The following HUWE1 variants were observed in gnomAD, a reference collection of about 807,000 sequenced individuals.
HUWE1 encodes the protein E3 ubiquitin-protein ligase HUWE1.
A neutral mutation model predicts 299.4 loss-of-function variants in HUWE1; 18 were observed. The observed-to-expected ratio is 0.06, with a 90% CI of 0.04 to 0.09. HUWE1 has a LOEUF of 0.09. Ranked by LOEUF, HUWE1 falls within the 10% of genes least tolerant of loss-of-function variation. HUWE1 has a pLI of 1.00. For missense variants in HUWE1, 1,832 were observed against 3,462.3 expected, an observed-to-expected ratio of 0.53 and a Z score of 11.82; for synonymous variants, 1,317 against 1,286.1, an observed-to-expected ratio of 1.02 and a Z score of -0.51.
rs1481479039 is a variant in HUWE1 at position 53,561,852 on chromosome X, A to C, written c.7411T>G (p.Tyr2471Asp). Residue 2471 changes from tyrosine (Y) to aspartate (D), a missense_variant, in exon 55 of 84, where the codon TAT (tyrosine) becomes GAT (aspartate). Tyr to Asp is a radical substitution (Grantham distance 160). Transcript: ENST00000262854. ...AAGGGAGAAGCGTTCATATCAGGAT[A>C]ATCCTCATCCAATTCCATCTCAGAG... ...DGSEMELDED[Y>D]PDMNASPLVR... The C allele has an allele frequency of 1.7e-6, 2 of 1,209,514 alleles. No individual in the cohort carries two copies. Among genetic ancestry groups the C allele is most frequent in the Non-Finnish European group, 1.1e-6 (1 of 895,110 alleles).
At chrX:53,577,122 G>A in intron 43 of HUWE1, 55 bp from the exon 44 acceptor site, 1 of 942,099 alleles carries the variant, frequency 1.1e-6, no homozygotes. Flanking sequence ...ACCTAAACTA[G>A]GTTACTAATA....
At chrX:53,594,741 T>A in intron 30 of HUWE1, 120 bp from the exon 31 acceptor site, 1 of 687,318 alleles carries the variant, frequency 1.5e-6, no homozygotes, top group Non-Finnish European at 2.3e-6. Context: ...TCCCACCTAC[T>A]AAAGAATACA....
chrX:53,675,269 T>C (rs1228180259), intron 3 of HUWE1, among the ~76,000 whole-genome samples: 1 of 111,305 alleles, frequency 9.0e-6, no homozygotes, highest in Non-Finnish European at 1.9e-5. Context: ...CTAAAGACCA[T>C]AAACTGGTAT....
intron 37 of HUWE1, among the ~76,000 whole-genome samples, chrX:53,587,617 CT>C (rs1556974524): frequency 2.7e-5 from 3 of 111,766 alleles, no homozygotes; most frequent in Non-Finnish European, 5.6e-5. Context: ...CTCTTTAGTA[CT>C]CTGAAACCTT....
chrX:53,671,970 G>T (rs1557049543), intron 3 of HUWE1, among the ~76,000 whole-genome samples: 1 of 106,436 alleles, frequency 9.4e-6, no homozygotes, highest in African/African-American at 3.4e-5. Context: ...ACAGCAAAAG[G>T]TGTGAACAAA....
intron 42 of HUWE1, among the ~76,000 whole-genome samples, chrX:53,581,632 T>G (rs1556967813): frequency 8.9e-6 from 1 of 111,912 alleles, no homozygotes; most frequent in Non-Finnish European, 1.9e-5. Flanking sequence ...ACAAACTACA[T>G]GCTCACAATG....
At chrX:53,604,977 G>T in intron 25 of HUWE1, 143 bp from the exon 26 acceptor site, 1 of 526,591 alleles carries the variant, frequency 1.9e-6, no homozygotes, top group Non-Finnish European at 3.2e-6. Flanking sequence ...CTGGTAAATG[G>T]TGGAACCCAA....
chrX:53,642,902 G>T (rs2067701471), intron 7 of HUWE1, among the ~76,000 whole-genome samples: 1 of 112,267 alleles, frequency 8.9e-6, no homozygotes, highest in South Asian at 3.7e-4. Flanking sequence ...CCATGGGTCT[G>T]TTAACTTCTG....
chrX:53,552,261 A>G, intron 63 of HUWE1, 50 bp downstream of exon 63: 1 of 1,199,675 alleles, frequency 8.3e-7, no homozygotes. Flanking sequence ...GCCAAGGGCT[A>G]CTAGAAGCCA....
In HUWE1 at chrX:53,538,697, TACAC is replaced by T. The variant is rs781962529; in HGVS notation, c.11878+134_11878+137del. 3,468 of 421,522 alleles carry T rather than the reference TACAC, an allele frequency of 8.2e-3. 1 individual carries two copies. The highest frequency in any genetic ancestry group is 0.027 in the Middle Eastern group (41 of 1,530). The allele number at this position is 421,522 out of a possible 1,213,427, so 34.7% of individuals were successfully genotyped here. On this transcript the variant is annotated intron_variant, in intron 76 of 83. Coordinates refer to ENST00000262854, the MANE Select transcript of HUWE1 (RefSeq NM_031407.7). ...GTTTACGTGCACGGGTGTGTGTATG[TACAC>T]ACACACACACACACACACACACACT... is the stretch of plus-strand genomic sequence containing the variant.
chrX:53,563,989 G>A (rs781845499), intron 51 of HUWE1, among the ~76,000 whole-genome samples, 168 bp from the exon 52 acceptor site: 2 of 112,050 alleles, frequency 1.8e-5, no homozygotes, highest in Non-Finnish European at 3.8e-5. Context: ...AAACTACCAC[G>A]TGCTACCAAT....
chrX:53,544,918 G>A, intron 71 of HUWE1, 111 bp downstream of exon 71: 2 of 979,238 alleles, frequency 2.0e-6, no homozygotes, highest in Non-Finnish European at 1.4e-6. Flanking sequence ...GTGTGTATAG[G>A]AAAGATACGA....
intron 29 of HUWE1, among the ~76,000 whole-genome samples, chrX:53,595,705 G>A (rs2064420975): frequency 8.9e-6 from 1 of 111,968 alleles, no homozygotes; most frequent in African/African-American, 3.2e-5. Context: ...ATGATATCTA[G>A]TGGATGATAA....
chrX:53,602,600 C>T lies in HUWE1; in HGVS notation c.2935G>A (p.Glu979Lys). 1.7e-6 allele frequency: 2 copies of T among 1,198,409 alleles called. No homozygotes were observed. Among genetic ancestry groups the T allele is most frequent in the Non-Finnish European group, 2.3e-6 (2 of 884,094 alleles). ...CCGCCCTGGGTCGTACCTGCCTTCT[C>T]ATCCTTTGGAACCAGTTTCTGCATA... is the stretch of plus-strand genomic sequence containing the variant. ...ADMQKLVPKDEKAGTTQGGKR... is the reference protein window; with the variant it reads ...ADMQKLVPKDKKAGTTQGGKR... Residue 979 changes from glutamate to lysine, a missense_variant, in exon 28 of 84, where the codon GAG becomes AAG. Coordinates refer to ENST00000262854, the MANE Select transcript of HUWE1 (RefSeq NM_031407.7).
At chrX:53,647,194 C>T (rs947834491) in intron 6 of HUWE1, among the ~76,000 whole-genome samples, 174 bp downstream of exon 6, 1 of 111,772 alleles carries the variant, frequency 8.9e-6, no homozygotes, top group Non-Finnish European at 1.9e-5. Flanking sequence ...TTCCCATCAA[C>T]CCTATGAAGG....
chrX:53,578,640 C>T (rs1157244642), intron 43 of HUWE1, among the ~76,000 whole-genome samples: 1 of 91,845 alleles, frequency 1.1e-5, no homozygotes, highest in Middle Eastern at 6.5e-3. Flanking sequence ...GGGGAGTCAG[C>T]CCCCCGCCCG....
chrX:53,681,842 C>A (rs1009582095), intron 2 of HUWE1, among the ~76,000 whole-genome samples: 2 of 112,228 alleles, frequency 1.8e-5, no homozygotes, highest in South Asian at 3.6e-4. Context: ...GCATGAGGCA[C>A]CCCTTCCAAA....
At chrX:53,618,329 G>A (rs1328383424) in intron 19 of HUWE1, among the ~76,000 whole-genome samples, 3 of 108,796 alleles carry the variant, frequency 2.8e-5, no homozygotes, top group Non-Finnish European at 3.8e-5. Context: ...GATTTAACTA[G>A]ATACAGAAAA....
At chrX:53,552,250 T>C (rs2061797241) in intron 63 of HUWE1, 61 bp downstream of exon 63, 4 of 1,188,344 alleles carry the variant, frequency 3.4e-6, no homozygotes, top group Non-Finnish European at 4.6e-6. Flanking sequence ...GGCATTTCCA[T>C]GCCAAGGGCT....
Sources: allele counts gnomAD v4.1 joint callset (sites outside exome capture counted in the v4.1 genomes callset), GRCh38; gene constraint gnomAD v4.1.1; transcripts MANE v1.5; gene names NCBI Gene and HGNC (gene_info 2026-07-23, HGNC 2026-07-21).